Variants in LRP2 observed in about 807,000 individuals in gnomAD.
LRP2 encodes the protein LDL receptor related protein 2.
In LRP2, 172 loss-of-function variants were observed where a neutral mutation model predicts 531.0. The observed-to-expected ratio is 0.32, with a 90% CI of 0.29 to 0.37. The LOEUF (loss-of-function observed/expected upper bound fraction) is 0.37. Ranked by LOEUF, LRP2 falls within the 10% of genes least tolerant of loss-of-function variation. The pLI, the probability that LRP2 is intolerant of heterozygous loss-of-function variation, is 1.00. For synonymous variants in LRP2, 1,992 were observed against 2,027.6 expected (o/e 0.98, Z 0.47); for missense variants, 5,167 against 5,868.3 (o/e 0.88, Z 3.90).
At chr2:169,338,636 A>G (rs1685485813) in intron 1 of LRP2, among the ~76,000 whole-genome samples, 1 of 152,248 alleles carries the variant, frequency 6.6e-6, no homozygotes, top group African/African-American at 2.4e-5. Flanking sequence ...TTCTCCAAGT[A>G]TAACAGTCTG....
intron 36 of LRP2, among the ~76,000 whole-genome samples, chr2:169,213,309 G>A (rs1317958245): frequency 1.3e-5 from 2 of 152,078 alleles, no homozygotes; most frequent in Non-Finnish European, 1.5e-5. Flanking sequence ...CAGCAAACAA[G>A]ACAGACAAAA....
At position 169,169,762 on chromosome 2, in the gene LRP2, T is replaced by C. The variant is rs775379871; in HGVS notation, c.11437A>G (p.Ser3813Gly). The change falls in exon 60 of 79, where the codon AGT becomes GGT. Residue 3813 changes from serine (S) to glycine (G), a missense_variant. Physicochemically the swap from Ser to Gly is moderately conservative, Grantham distance 56. Around this residue, in one of 6 missense-constraint regions of LRP2, gnomAD observed 564 missense variants for 747.7 expected, o/e 0.75. Transcript: ENST00000649046. ...GCGGATCCATCGCATTTCAGTTCAC[T>C]GTGTACACAATGTCCACTTGTACAC... Reference protein sequence around the residue: ...FQCTSGHCVHSELKCDGSADC... With the variant: ...FQCTSGHCVHGELKCDGSADC... 7.4e-6 allele frequency: 12 copies of C among 1,614,060 alleles called. No homozygotes were observed. The Admixed American group carries it at 1.8e-4, about 25-fold the overall frequency.
intron 3 of LRP2, among the ~76,000 whole-genome samples, chr2:169,317,514 C>G (rs1183885980): frequency 6.6e-6 from 1 of 152,104 alleles, no homozygotes; most frequent in African/African-American, 2.4e-5. Flanking sequence ...TGAGAAAAAG[C>G]TGGATAATAT....
chr2:169,201,844 A>T lies in LRP2; in HGVS notation c.8236T>A (p.Phe2746Ile). ...ACACATCGCCCATTGGCACAGGTGA[A>T]GGCTGTCGGTGAGCAGGTGTGAAGT... ...CALHTCSPTA[F>I]TCANGRCVQY... The change falls in exon 44 of 79, where the codon TTC becomes ATC. Residue 2746 changes from phenylalanine (F) to isoleucine (I), a missense_variant. Around this residue, in one of 6 missense-constraint regions of LRP2, gnomAD observed 1,129 missense variants for 1,362.7 expected, o/e 0.83. Transcript: ENST00000649046. The T allele has an allele frequency of 6.2e-7, 1 of 1,614,236 alleles. No individual in the cohort carries two copies. Among genetic ancestry groups the T allele is most frequent in the Non-Finnish European group, 8.5e-7 (1 of 1,180,032 alleles).
At chr2:169,258,699 C>T (rs1389413837) in intron 17 of LRP2, among the ~76,000 whole-genome samples, 2 of 151,940 alleles carry the variant, frequency 1.3e-5, no homozygotes, top group Non-Finnish European at 2.9e-5. Flanking sequence ...TGGGTCTTTC[C>T]TGTTAATTCT....
chr2:169,133,763 CTCT>C (rs1163387294), intron 76 of LRP2, among the ~76,000 whole-genome samples: 1 of 152,144 alleles, frequency 6.6e-6, no homozygotes, highest in African/African-American at 2.4e-5. Flanking sequence ...CATCTCCCAG[CTCT>C]TCTTAAAGAT....
intron 35 of LRP2, 30 bp from the exon 36 acceptor site, chr2:169,213,900 T>C (rs1688684862): frequency 6.6e-7 from 1 of 1,516,106 alleles, no homozygotes; most frequent in Non-Finnish European, 9.2e-7. Flanking sequence ...ATTAGTTTCA[T>C]GGATTCATAG....
chr2:169,161,000 G>A (rs1686566060), intron 63 of LRP2, among the ~76,000 whole-genome samples: 1 of 152,188 alleles, frequency 6.6e-6, no homozygotes, highest in Non-Finnish European at 1.5e-5. Flanking sequence ...GTCAATTAGA[G>A]CCCAAGAAGT....
chr2:169,193,729 ACT>A (rs1329880501), intron 47 of LRP2, 30 bp downstream of exon 47: 1 of 1,613,824 alleles, frequency 6.2e-7, no homozygotes, highest in East Asian at 2.2e-5. Context: ...CTGGAATGTG[ACT>A]CTGCAGAGGA....
chr2:169,129,695 C>G (rs1685216796), intron 77 of LRP2, among the ~76,000 whole-genome samples: 1 of 152,088 alleles, frequency 6.6e-6, no homozygotes, highest in Admixed American at 6.5e-5. Flanking sequence ...CCTATACTTG[C>G]TGAGTCACAG....
At chr2:169,198,969 A>G in intron 44 of LRP2, 58 bp from the exon 45 acceptor site, 1 of 1,568,604 alleles carries the variant, frequency 6.4e-7, no homozygotes, top group Non-Finnish European at 8.7e-7. Context: ...TGTATTATGA[A>G]CAGTATCCGT....
At chr2:169,261,075 G>A (rs950134745) in intron 16 of LRP2, among the ~76,000 whole-genome samples, 1 of 152,014 alleles carries the variant, frequency 6.6e-6, no homozygotes, top group African/African-American at 2.4e-5. Context: ...TAATCAGTGA[G>A]AAATGTGGAA....
Position 169,262,723 on chromosome 2 carries a change from T to C in LRP2, c.2321-3506A>G, listed in dbSNP as rs1690616491. ...CCCCATCAAGCTACCAATGACTTTC[T>C]TCACAGAATTGGAAAAAACTACTTT... On this transcript the variant is annotated intron_variant, in intron 16 of 78. Coordinates refer to ENST00000649046, the MANE Select transcript of LRP2 (RefSeq NM_004525.3). Among the ~76,000 whole-genome samples, 3 of 149,896 alleles carry C rather than the reference T, an allele frequency of 2.0e-5. No homozygotes were observed. In the South Asian group the frequency reaches 6.5e-4, roughly 33 times the overall value.
At chr2:169,273,169 T>C in intron 14 of LRP2, 102 bp from the exon 15 acceptor site, 1 of 1,329,144 alleles carries the variant, frequency 7.5e-7, no homozygotes, top group Non-Finnish European at 1.1e-6. Flanking sequence ...TGAAATAGAG[T>C]AATGGATTAG....
chr2:169,209,389 T>G lies in LRP2; in HGVS notation c.6469+64A>C. On this transcript the variant is annotated intron_variant, in intron 38 of 78. Coordinates refer to ENST00000649046, the MANE Select transcript of LRP2 (RefSeq NM_004525.3). ...TGTAGCACATGGAGTTAGGCTAAAC[T>G]TTCTAGCATAAAATAAGATGACAGA... The G allele has an allele frequency of 2.6e-6, 4 of 1,542,060 alleles. No homozygotes were observed. The South Asian group carries it at 3.4e-5, about 13-fold the overall frequency.
chr2:169,148,238 C>T (rs1685990022), intron 68 of LRP2, among the ~76,000 whole-genome samples: 2 of 152,182 alleles, frequency 1.3e-5, no homozygotes, highest in East Asian at 3.9e-4. Flanking sequence ...TGTAGGATTC[C>T]ATTTGTAGGA....
intron 1 of LRP2, among the ~76,000 whole-genome samples, chr2:169,325,624 T>C (rs753056485): frequency 1.3e-5 from 2 of 152,148 alleles, no homozygotes; most frequent in Non-Finnish European, 2.9e-5. Context: ...GGGTAACAAA[T>C]TGTATGGAGC....
rs1272074848 is a variant in LRP2 at position 169,132,594 on chromosome 2, G to A, written c.13708C>T (p.Pro4570Ser). 6.2e-7 allele frequency: 1 copy of A among 1,604,716 alleles called. No individual in the cohort carries two copies. Among genetic ancestry groups the A allele is most frequent in the Non-Finnish European group, 8.5e-7 (1 of 1,171,442 alleles). Residue 4570 changes from proline (P) to serine (S), a missense_variant, in exon 77 of 79, where the codon CCA becomes TCA. By Grantham distance (74) the Pro-to-Ser change is moderately conservative. Around this residue, in one of 6 missense-constraint regions of LRP2, gnomAD observed 348 missense variants for 369.3 expected, o/e 0.94. Transcript: ENST00000649046. Reference sequence around the variant, plus strand: ...GTTACCTGAGTTCCATCAGCAGCTGGTGAAGTTGGGTTTGTCTCTGGAACT... The same window carrying A: ...GTTACCTGAGTTCCATCAGCAGCTGATGAAGTTGGGTTTGTCTCTGGAACT... ...EIVPETNPTS[P>S]AADGTQVTKW... is the part of the protein sequence containing the mutation.
intron 45 of LRP2, 92 bp downstream of exon 45, chr2:169,198,694 A>T: frequency 6.7e-7 from 1 of 1,482,268 alleles, no homozygotes; most frequent in South Asian, 1.1e-5. Flanking sequence ...GACAATTGAA[A>T]TCAGCCCGAA....
Sources: gnomAD v4.1 joint callset for allele counts (sites outside exome capture counted in the v4.1 genomes callset) on GRCh38, gnomAD v4.1.1 for gene constraint, gnomAD v4.1.1 regional missense constraint, MANE v1.5 for transcripts, NCBI Gene and HGNC (gene_info 2026-07-23, HGNC 2026-07-21) for gene names.